The following UEVLD variants were observed in gnomAD, a reference collection of about 807,000 sequenced individuals.
UEVLD encodes UEV and lactate/malate dehyrogenase domains.
Under a neutral mutation model 58.6 loss-of-function variants are expected in UEVLD, and 47 were observed. The ratio of observed to expected loss-of-function variants is 0.80; its 90% CI spans 0.63 to 1.02. The LOEUF is 1.02. Ranked by LOEUF, UEVLD falls within the 50% of genes least tolerant of loss-of-function variation. The probability of loss-of-function intolerance (pLI) is 0.00; values close to 1 mark genes in which losing one functional copy is unlikely to be tolerated. For missense variants in UEVLD, 510 were observed against 550.6 expected (o/e 0.93, Z 0.74); for synonymous variants, 197 against 195.3 (o/e 1.01, Z -0.07).
At chr11:18,559,693 A>G (rs1851920667) in intron 6 of UEVLD, among the ~76,000 whole-genome samples, 1 of 152,190 alleles carries the variant, frequency 6.6e-6, no homozygotes, top group Admixed American at 6.6e-5. Context: ...TAAAAAAAGT[A>G]TAATAGCTAT....
chr11:18,534,904 G>A (rs1850724819), intron 10 of UEVLD, among the ~76,000 whole-genome samples: 1 of 152,180 alleles, frequency 6.6e-6, no homozygotes, highest in South Asian at 2.1e-4. Flanking sequence ...TCTTACAGCA[G>A]TATGCTCAAG....
Position 18,575,409 on chromosome 11 carries a change from A to G in UEVLD, c.131T>C (p.Phe44Ser), listed in dbSNP as rs1032826278. ...CAGGTCTTTCTGAGAACTATCTTTA[A>G]AAACTAGAAGAAAAAAAAAAAAGCC... ...HFKYSMDTYV[F>S]KDSSQKDLLN... The change falls in exon 3 of 12, where the codon TTT (phenylalanine) becomes TCT (serine). Residue 44 changes from phenylalanine to serine, a missense_variant. Coordinates refer to ENST00000396197, the MANE Select transcript of UEVLD (RefSeq NM_001040697.4). The G allele has an allele frequency of 6.9e-5, 111 of 1,598,716 alleles. No homozygotes were observed. Among genetic ancestry groups the G allele is most frequent in the Non-Finnish European group, 9.1e-5 (107 of 1,176,330 alleles).
At chr11:18,566,315 C>G (rs970179707) in intron 5 of UEVLD, 32 bp downstream of exon 5, 10 of 1,611,968 alleles carry the variant, frequency 6.2e-6, no homozygotes, top group African/African-American at 2.7e-5. Flanking sequence ...ACTCATAACT[C>G]TCAAGATAAT....
intron 10 of UEVLD, 59 bp downstream of exon 10, chr11:18,536,347 G>T: frequency 6.9e-7 from 1 of 1,458,334 alleles, no homozygotes; most frequent in Non-Finnish European, 9.6e-7. Context: ...ATAAATAGCT[G>T]TTAGCTATGA....
intron 7 of UEVLD, among the ~76,000 whole-genome samples, chr11:18,557,419 T>C (rs2134001934): frequency 6.6e-6 from 1 of 152,262 alleles, no homozygotes; most frequent in East Asian, 1.9e-4. Flanking sequence ...CCCAAAGTGC[T>C]GGGATTACAG....
chr11:18,547,245 A>G (rs1851340930), intron 7 of UEVLD, among the ~76,000 whole-genome samples, 195 bp from the exon 8 acceptor site: 1 of 152,096 alleles, frequency 6.6e-6, no homozygotes, highest in Non-Finnish European at 1.5e-5. Context: ...GTAAGTGTTG[A>G]CTGGGTGTGG....
intron 2 of UEVLD, 116 bp downstream of exon 2, chr11:18,578,608 A>AGG: frequency 1.4e-6 from 1 of 724,080 alleles, no homozygotes; most frequent in African/African-American, 1.8e-5. Context: ...CATAAAGTAT[A>AGG]GCTGAAAATC....
Position 18,577,453 on chromosome 11 carries a change from T to C in UEVLD, c.127+1271A>G, listed in dbSNP as rs142187282. ...TTTCCCATCAGTAACTGGGACACACTGATAGAGAATCAACGCCCTAATCTC... is the reference window on the plus strand; with the variant it reads ...TTTCCCATCAGTAACTGGGACACACCGATAGAGAATCAACGCCCTAATCTC... On this transcript the variant is annotated intron_variant, in intron 2 of 11. Coordinates refer to ENST00000396197, the MANE Select transcript of UEVLD (RefSeq NM_001040697.4). Among the ~76,000 whole-genome samples, 743 of 152,318 alleles carry C rather than the reference T, an allele frequency of 4.9e-3. 6 individuals are homozygous for C. Among genetic ancestry groups the C allele is most frequent in the African/African-American group, 0.017 (719 of 41,574 alleles).
intron 4 of UEVLD, chr11:18,569,954 G>T (rs912942241): frequency 3.9e-6 from 1 of 253,366 alleles, no homozygotes; most frequent in Non-Finnish European, 7.5e-6. Context: ...ACTTTCTCAA[G>T]TGGGAAACGA....
chr11:18,558,189 A>C, intron 7 of UEVLD, 39 bp downstream of exon 7: 1 of 1,472,886 alleles, frequency 6.8e-7, no homozygotes, highest in Non-Finnish European at 9.3e-7. Context: ...AAAAATGAAG[A>C]TCTAATAAGG....
chr11:18,583,814 AC>A, intron 1 of UEVLD, among the ~76,000 whole-genome samples: 1 of 151,788 alleles, frequency 6.6e-6, no homozygotes, highest in East Asian at 1.9e-4. Flanking sequence ...GGCATGCACC[AC>A]CACACCCGGG....
Position 18,566,441 on chromosome 11 carries a change from G to A in UEVLD, c.399C>T (p.Ala133=). The change falls in exon 5 of 12, where the codon GCC becomes GCT. Residue 133 remains alanine (A), a synonymous_variant. Coordinates refer to ENST00000396197, the MANE Select transcript of UEVLD (RefSeq NM_001040697.4). ...ACATGGGAAGTTCCTCTTGAAACTT[G>A]GCAATCATTTCTTTAATTAATCCAA... ...VIVGLIKEMI[A]KFQEELPMYS... is the part of the protein sequence containing the mutation. 1 of 1,614,024 alleles carries A rather than the reference G, an allele frequency of 6.2e-7. No individual in the cohort carries two copies. Among genetic ancestry groups the A allele is most frequent in the Non-Finnish European group, 8.5e-7 (1 of 1,180,002 alleles).
chr11:18,546,945 C>T lies in UEVLD; in HGVS notation c.821G>A (p.Arg274Lys), dbSNP rs1345140984. Residue 274 changes from arginine to lysine, a missense_variant, in exon 8 of 12, where the codon AGA (arginine) becomes AAA (lysine). Transcript: ENST00000396197. ...ATGTCCCAGAGCTGGGACAAGGGCT[C>T]TGAACATATCCACATTGCTCTGTAC... ...DVVQSNVDMF[R>K]ALVPALGHYS... 1.2e-6 allele frequency: 2 copies of T among 1,614,008 alleles called. No homozygotes were observed. Among genetic ancestry groups the T allele is most frequent in the Non-Finnish European group, 1.7e-6 (2 of 1,180,042 alleles).
chr11:18,535,869 G>A (rs1444771514), intron 10 of UEVLD, among the ~76,000 whole-genome samples: 1 of 152,180 alleles, frequency 6.6e-6, no homozygotes, highest in African/African-American at 2.4e-5. Flanking sequence ...TGGCACGGTG[G>A]CTCACACCTG....
intron 9 of UEVLD, among the ~76,000 whole-genome samples, chr11:18,542,465 CAA>C (rs1851095865): frequency 6.6e-6 from 1 of 152,114 alleles, no homozygotes; most frequent in Admixed American, 6.5e-5. Flanking sequence ...TTTGGAGCCT[CAA>C]AAGTATTTTT....
At chr11:18,559,928 C>A (rs1300934295) in intron 6 of UEVLD, among the ~76,000 whole-genome samples, 1 of 152,030 alleles carries the variant, frequency 6.6e-6, no homozygotes, top group Admixed American at 6.6e-5. Context: ...ACCCAAAGAT[C>A]TACCAGACTA....
At chr11:18,557,635 T>G (rs140594394) in intron 7 of UEVLD, among the ~76,000 whole-genome samples, 2 of 151,468 alleles carry the variant, frequency 1.3e-5, no homozygotes, top group Admixed American at 6.6e-5. Context: ...ACAATCCTAG[T>G]GCATTGCAGC....
chr11:18,558,246 T>C lies in UEVLD; in HGVS notation c.697A>G (p.Asn233Asp), dbSNP rs756956190. Residue 233 changes from asparagine to aspartate, a missense_variant, in exon 7 of 12, where the codon AAT becomes GAT. By Grantham distance (23) the Asn-to-Asp change is conservative. Coordinates refer to ENST00000396197, the MANE Select transcript of UEVLD (RefSeq NM_001040697.4). The part of the protein sequence containing the change: ...TMDLEIFNLP[N>D]VEISKDLSAS... ...AACAGACCTTTGCTGATCTCCACAT[T>C]AGGAAGGTTGAAGATTTCAAGGTCC... 1 of 1,612,522 alleles carries C rather than the reference T, an allele frequency of 6.2e-7. No individual in the cohort carries two copies. Among genetic ancestry groups the C allele is most frequent in the Non-Finnish European group, 8.5e-7 (1 of 1,179,360 alleles).
chr11:18,535,678 T>A (rs1850761864), intron 10 of UEVLD, among the ~76,000 whole-genome samples: 1 of 152,172 alleles, frequency 6.6e-6, no homozygotes, highest in Non-Finnish European at 1.5e-5. Context: ...CTGGAAGGCC[T>A]CTGGATAAAA....
Sources: gnomAD v4.1 joint callset for allele counts (sites outside exome capture counted in the v4.1 genomes callset) on GRCh38, gnomAD v4.1.1 for gene constraint, MANE v1.5 for transcripts, NCBI Gene and HGNC (gene_info 2026-07-23, HGNC 2026-07-21) for gene names.